Variants in SLC15A2 observed in about 807,000 individuals in gnomAD.
SLC15A2 encodes the protein solute carrier family 15 member 2.
SLC15A2 carries 77 observed loss-of-function variants against 95.5 expected under a neutral mutation model. The observed-to-expected ratio is 0.81, with a 90% CI of 0.67 to 0.97. The LOEUF is 0.97. Ranked by LOEUF, SLC15A2 falls within the 50% of genes least tolerant of loss-of-function variation. The pLI is 0.00. For missense variants in SLC15A2, 893 were observed against 874.4 expected (o/e 1.02, Z -0.27); for synonymous variants, 306 against 306.9 (o/e 1.00, Z 0.03).
rs56039387 is a variant in SLC15A2 at position 121,922,772 on chromosome 3, T to C, written c.781-3T>C. On this transcript the variant is annotated splice_polypyrimidine_tract_variant and splice_region_variant and intron_variant, in intron 8 of 21. Transcript: ENST00000489711. ...CTCCCATGATGTCTACTCTCTGCCC[T>C]AGTTTGCTATTTCCAATCGTTTCAA... 3.4e-4 allele frequency: 553 copies of C among 1,612,114 alleles called. No individual in the cohort carries two copies. Among genetic ancestry groups the C allele is most frequent in the Non-Finnish European group, 3.7e-4 (436 of 1,178,332 alleles).
At chr3:121,910,034 C>T (rs1709731075) in intron 3 of SLC15A2, among the ~76,000 whole-genome samples, 1 of 151,894 alleles carries the variant, frequency 6.6e-6, no homozygotes. Context: ...GTTTGGGGTT[C>T]ATGATAGCTA....
intron 19 of SLC15A2, among the ~76,000 whole-genome samples, chr3:121,935,501 A>G (rs1277353117): frequency 6.6e-6 from 1 of 152,142 alleles, no homozygotes; most frequent in Non-Finnish European, 1.5e-5. Context: ...GGGAGGGTGT[A>G]TGTGTCCAGG....
chr3:121,903,497 G>C (rs1424066451), intron 3 of SLC15A2, among the ~76,000 whole-genome samples: 1 of 152,190 alleles, frequency 6.6e-6, no homozygotes, highest in Admixed American at 6.5e-5. Flanking sequence ...TAACATGTAA[G>C]TCTTTAATCC....
chr3:121,935,830 T>A (rs1710333304), intron 19 of SLC15A2, among the ~76,000 whole-genome samples: 1 of 152,202 alleles, frequency 6.6e-6, no homozygotes, highest in Non-Finnish European at 1.5e-5. Flanking sequence ...TTGCTCTTGC[T>A]TTTCTAGTTC....
At chr3:121,901,892 T>C (rs1709527699) in intron 3 of SLC15A2, among the ~76,000 whole-genome samples, 1 of 152,114 alleles carries the variant, frequency 6.6e-6, no homozygotes, top group South Asian at 2.1e-4. Flanking sequence ...ATTCACGTGT[T>C]ACTTTGAGGG....
At chr3:121,917,519 T>G (rs1360136314) in intron 7 of SLC15A2, among the ~76,000 whole-genome samples, 1 of 151,968 alleles carries the variant, frequency 6.6e-6, no homozygotes, top group East Asian at 1.9e-4. Flanking sequence ...CATGACTCCA[T>G]CTATACAAAC....
chr3:121,932,824 A>T (rs1450952158), intron 19 of SLC15A2, among the ~76,000 whole-genome samples: 3 of 152,086 alleles, frequency 2.0e-5, no homozygotes, highest in African/African-American at 7.2e-5. Context: ...GGTTAGTTAC[A>T]TATGTATACA....
chr3:121,932,982 A>T (rs918779899), intron 19 of SLC15A2, among the ~76,000 whole-genome samples: 14 of 151,534 alleles, frequency 9.2e-5, no homozygotes, highest in Non-Finnish European at 1.6e-4. Flanking sequence ...TCATTGTTCA[A>T]TTCCCACCTA....
At chr3:121,935,563 T>C (rs1022004219) in intron 19 of SLC15A2, among the ~76,000 whole-genome samples, 1 of 152,180 alleles carries the variant, frequency 6.6e-6, no homozygotes, top group Non-Finnish European at 1.5e-5. Flanking sequence ...GAGGTGTTTG[T>C]AGTATTCTCT....
intron 11 of SLC15A2, 42 bp downstream of exon 11, chr3:121,923,308 C>T: frequency 6.3e-7 from 1 of 1,577,020 alleles, no homozygotes; most frequent in Non-Finnish European, 8.7e-7. Context: ...TTATTTTCTT[C>T]ATCATCCATA....
At chr3:121,939,564 A>C in intron 20 of SLC15A2, 69 bp downstream of exon 20, 1 of 1,346,526 alleles carries the variant, frequency 7.4e-7, no homozygotes, top group Non-Finnish European at 9.9e-7. Context: ...TAATTCTAGC[A>C]CTGACTTAAA....
At position 121,929,010 on chromosome 3, in the gene SLC15A2, T is replaced by G; in HGVS notation, c.1370T>G (p.Leu457Arg). The G allele has an allele frequency of 6.2e-7, 1 of 1,614,082 alleles. No homozygotes were observed. Among genetic ancestry groups the G allele is most frequent in the Non-Finnish European group, 8.5e-7 (1 of 1,179,972 alleles). ...QKTPHYSKLHLKTKSQDFHFH... is the reference protein window; with the variant it reads ...QKTPHYSKLHRKTKSQDFHFH... ...ACACCACACTATTCCAAACTGCACC[T>G]GAAAACAAAAAGCCAGGATTTTCAC... Residue 457 changes from leucine (L) to arginine (R), a missense_variant, in exon 16 of 22, where the codon CTG becomes CGG. Transcript: ENST00000489711.
chr3:121,901,888 G>A (rs369839076), intron 3 of SLC15A2, among the ~76,000 whole-genome samples: 32 of 151,940 alleles, frequency 2.1e-4, no homozygotes, highest in Non-Finnish European at 2.2e-4. Flanking sequence ...TTTTATTCAC[G>A]TGTTACTTTG....
chr3:121,908,399 A>C (rs1038839087), intron 3 of SLC15A2, among the ~76,000 whole-genome samples: 3 of 152,104 alleles, frequency 2.0e-5, no homozygotes, highest in African/African-American at 4.8e-5. Flanking sequence ...CCACTGTCCA[A>C]CCAGTCCCAA....
intron 5 of SLC15A2, among the ~76,000 whole-genome samples, chr3:121,913,580 G>C (rs1399700812): frequency 6.6e-6 from 1 of 152,188 alleles, no homozygotes; most frequent in African/African-American, 2.4e-5. Flanking sequence ...GCAATGGGAG[G>C]TGATAAGTAG....
intron 6 of SLC15A2, 115 bp downstream of exon 6, chr3:121,915,432 A>T: frequency 1.2e-6 from 1 of 833,370 alleles, no homozygotes; most frequent in Admixed American, 2.3e-5. Context: ...AATCTGTGAA[A>T]ATTTATTTTA....
At chr3:121,919,752 T>C (rs1442428438) in intron 7 of SLC15A2, among the ~76,000 whole-genome samples, 1 of 152,106 alleles carries the variant, frequency 6.6e-6, no homozygotes, top group Non-Finnish European at 1.5e-5. Context: ...GAAAGTGAAA[T>C]AGTATTTATA....
At chr3:121,905,857 A>G (rs1418947037) in intron 3 of SLC15A2, among the ~76,000 whole-genome samples, 2 of 152,156 alleles carry the variant, frequency 1.3e-5, no homozygotes, top group African/African-American at 4.8e-5. Context: ...GTAGATGTTT[A>G]TTAGGTCCAC....
rs576634489 is a variant in SLC15A2, at chr3:121,922,730, T to C, written c.781-45T>C. Reference sequence around the variant, plus strand: ...ATAATAAGTTGGAAAAGGCAGAGGATGTTTTTCTCTTTGTCTCTCCCATGA... The same window carrying C: ...ATAATAAGTTGGAAAAGGCAGAGGACGTTTTTCTCTTTGTCTCTCCCATGA... On this transcript the variant is annotated intron_variant, in intron 8 of 21. Coordinates refer to ENST00000489711, the MANE Select transcript of SLC15A2 (RefSeq NM_021082.4). 43 of 1,415,358 alleles carry C rather than the reference T, an allele frequency of 3.0e-5. No individual in the cohort carries two copies. The East Asian group carries it at 9.0e-4, about 30-fold the overall frequency. 87.7% of individuals were successfully genotyped at this position (1,415,358 alleles called of 1,614,324 possible).
Sources: gnomAD v4.1 joint callset for allele counts (sites outside exome capture counted in the v4.1 genomes callset) on GRCh38, gnomAD v4.1.1 for gene constraint, MANE v1.5 for transcripts, NCBI Gene and HGNC (gene_info 2026-07-23, HGNC 2026-07-21) for gene names.